HOXA13: variants seen among roughly 807,000 people sequenced by gnomAD.
HOXA13 encodes homeobox A13, also known as homeobox protein Hox-A13.
In HOXA13, 5 loss-of-function variants were observed where a neutral mutation model predicts 25.7. That is an observed-to-expected ratio of 0.19 (90% confidence interval 0.10 to 0.41). The LOEUF is 0.41. HOXA13 is among the 10% of genes least tolerant of loss of function. The probability of loss-of-function intolerance (pLI) is 1.00; values close to 1 mark genes in which losing one functional copy is unlikely to be tolerated. For synonymous variants in HOXA13, 284 were observed against 241.1 expected (o/e 1.18, Z -1.65); for missense variants, 557 against 533.5 (o/e 1.04, Z -0.43).
chr7:27,194,678 G>A lies in HOXA13; in HGVS notation c.*3520C>T, dbSNP rs986881708. The A allele has an allele frequency of 1.3e-5, 2 of 152,114 alleles. No homozygotes were observed. The highest frequency in any genetic ancestry group is 4.8e-5 in the African/African-American group (2 of 41,432). The allele number at this position is 152,114 out of a possible 1,614,324, so 9.4% of individuals were successfully genotyped here. On this transcript the variant is annotated 3_prime_UTR_variant, in exon 2 of 2. Transcript: ENST00000649031. ...GTTAGGTAAGATCGACACTATCAAT[G>A]ACCATTTTAGAACTGGGGGGAAAAA...
chr7:27,199,676 C>T lies in HOXA13; in HGVS notation c.402G>A (p.Ser134=), dbSNP rs1583448829. 8.5e-7 allele frequency: 1 copy of T among 1,174,564 alleles called. No individual in the cohort carries two copies. Among genetic ancestry groups the T allele is most frequent in the Non-Finnish European group, 1.0e-6 (1 of 953,184 alleles). The allele number at this position is 1,174,564 out of a possible 1,614,324, so 72.8% of individuals were successfully genotyped here. A position where few individuals can be genotyped will look rare whatever the true frequency, so the allele number is the denominator to read the frequency against. Reference sequence around the variant, plus strand: ...CCGCCGGGCCGGGACCTCCCGAGGACGACGCGGCGGCGGCGGCGGCGGCTG... The same window carrying T: ...CCGCCGGGCCGGGACCTCCCGAGGATGACGCGGCGGCGGCGGCGGCGGCTG... ...AAAAAAAAAA[S]SSGGPGPAGP... Residue 134 remains serine (S), a synonymous_variant, in exon 1 of 2, where the codon TCG becomes TCA. Transcript: ENST00000649031.
In HOXA13 at chr7:27,199,459, C is replaced by T. The variant is rs1367909549; in HGVS notation, c.619G>A (p.Ala207Thr). The part of the protein sequence containing the change: ...PASAAAAAAF[A>T]DKYMDTAGPA... ...CCGGCGGTATCCATGTACTTGTCCG[C>T]GAAGGCGGCGGCGGCGGCGGCCGAG... The change falls in exon 1 of 2, where the codon GCG (alanine) becomes ACG (threonine). Residue 207 changes from alanine (A) to threonine (T), a missense_variant. By Grantham distance (58) the Ala-to-Thr change is moderately conservative. Coordinates refer to ENST00000649031, the MANE Select transcript of HOXA13 (RefSeq NM_000522.5). 6.2e-7 allele frequency: 1 copy of T among 1,612,686 alleles called. No individual in the cohort carries two copies. Among genetic ancestry groups the T allele is most frequent in the African/African-American group, 1.3e-5 (1 of 74,916 alleles).
At position 27,198,104 on chromosome 7, in the gene HOXA13, T is replaced by C; in HGVS notation, c.*94A>G. On this transcript the variant is annotated 3_prime_UTR_variant, in exon 2 of 2. Transcript: ENST00000649031. The stretch of plus-strand genomic sequence containing the variant: ...TCTGTCTCTTTCTCTTTCCCATTCT[T>C]CAATTATTATTAAGCATTATTATCA... 7.4e-7 allele frequency: 1 copy of C among 1,353,008 alleles called. No homozygotes were observed. The highest frequency in any genetic ancestry group is 1.0e-6 in the Non-Finnish European group (1 of 953,334). The allele number at this position is 1,353,008 out of a possible 1,614,324, so 83.8% of individuals were successfully genotyped here.
chr7:27,196,938 GT>G lies in HOXA13; in HGVS notation c.*1259del, dbSNP rs60250869. On this transcript the variant is annotated 3_prime_UTR_variant, in exon 2 of 2. Transcript: ENST00000649031. ...GATATCACTATCTACAGGTCTAAGG[GT>G]TTTTTTTTTTCATTTTTAGTAGAAA... is the stretch of plus-strand genomic sequence containing the variant. 163,828 of 180,842 alleles carry G rather than the reference GT, an allele frequency of 0.91. 74,667 individuals are homozygous for G. Among genetic ancestry groups the G allele is most frequent in the Middle Eastern group, 0.97 (463 of 478 alleles). 11.2% of individuals were successfully genotyped at this position (180,842 alleles called of 1,614,324 possible). A position where few individuals can be genotyped will look rare whatever the true frequency, so the allele number is the denominator to read the frequency against.
Position 27,194,998 on chromosome 7 carries a change from G to A in HOXA13, c.*3200C>T, listed in dbSNP as rs964263566. ...ATTTTCCACCACTTTAAACATTTTG[G>A]GAGAAAGTTGTTACTTTGGCTTGAT... On this transcript the variant is annotated 3_prime_UTR_variant, in exon 2 of 2. Coordinates refer to ENST00000649031, the MANE Select transcript of HOXA13 (RefSeq NM_000522.5). The A allele has an allele frequency of 6.6e-6, 1 of 152,184 alleles. No homozygotes were observed. Among genetic ancestry groups the A allele is most frequent in the African/African-American group, 2.4e-5 (1 of 41,442 alleles). The allele number at this position is 152,184 out of a possible 1,614,324, so 9.4% of individuals were successfully genotyped here. A position where few individuals can be genotyped will look rare whatever the true frequency, so the allele number is the denominator to read the frequency against.
rs1783995656 is a variant in HOXA13, at chr7:27,195,585, AGTT to A, written c.*2610_*2612del. On this transcript the variant is annotated 3_prime_UTR_variant, in exon 2 of 2. Transcript: ENST00000649031. ...ATATTATTATTATAGTTTTGATGGA[AGTT>A]GTTAATATTAAACATATTTATTTAT... 2 of 152,204 alleles carry A rather than the reference AGTT, an allele frequency of 1.3e-5. No homozygotes were observed. The highest frequency in any genetic ancestry group is 2.9e-5 in the Non-Finnish European group (2 of 68,030). 9.4% of individuals were successfully genotyped at this position (152,204 alleles called of 1,614,324 possible).
Position 27,199,417 on chromosome 7 carries a change from ACTC to A in HOXA13, c.658_660del (p.Glu220del), listed in dbSNP as rs1195829474. The A allele has an allele frequency of 1.9e-6, 3 of 1,613,762 alleles. No individual in the cohort carries two copies. Among genetic ancestry groups the A allele is most frequent in the Non-Finnish European group, 1.7e-6 (2 of 1,179,910 alleles). ...GCGAACTCCTTAGCGCGGGAGCTGA[ACTC>A]CTCGGCAGCTGGGCCGGCGGTATCC... On this transcript the variant is annotated inframe_deletion, in exon 1 of 2. Transcript: ENST00000649031.
Position 27,198,017 on chromosome 7 carries a change from A to T in HOXA13, c.*181T>A. On this transcript the variant is annotated 3_prime_UTR_variant, in exon 2 of 2. Coordinates refer to ENST00000649031, the MANE Select transcript of HOXA13 (RefSeq NM_000522.5). ...CAGTCTTTACCTTTCTTAAAGTTTT[A>T]AAACAGTTGTAGATTCCATTAAAGA... is the stretch of plus-strand genomic sequence containing the variant. 1.4e-6 allele frequency: 1 copy of T among 739,136 alleles called. No homozygotes were observed. Among genetic ancestry groups the T allele is most frequent in the Non-Finnish European group, 2.2e-6 (1 of 449,884 alleles). 45.8% of individuals were successfully genotyped at this position (739,136 alleles called of 1,614,324 possible). A position where few individuals can be genotyped will look rare whatever the true frequency, so the allele number is the denominator to read the frequency against.
At position 27,198,403 on chromosome 7, in the gene HOXA13, C is replaced by A. The variant is rs76529896; in HGVS notation, c.962G>T (p.Arg321Met). 1 of 1,614,168 alleles carries A rather than the reference C, an allele frequency of 6.2e-7. No individual in the cohort carries two copies. Among genetic ancestry groups the A allele is most frequent in the Non-Finnish European group, 8.5e-7 (1 of 1,180,024 alleles). ...SHPSDASSYRRGRKKRVPYTK... is the reference protein window; with the variant it reads ...SHPSDASSYRMGRKKRVPYTK... ...ATAAGGCACGCGCTTCTTTCTCCCC[C>A]TCCTATAGGAGCTGGCATCCGAGGG... Residue 321 changes from arginine (R) to methionine (M), a missense_variant, in exon 2 of 2, where the codon AGG becomes ATG. Transcript: ENST00000649031.
Position 27,199,564 on chromosome 7 carries a change from C to G in HOXA13, c.514G>C (p.Gly172Arg). 1 of 1,554,598 alleles carries G rather than the reference C, an allele frequency of 6.4e-7. No individual in the cohort carries two copies. Among genetic ancestry groups the G allele is most frequent in the South Asian group, 1.2e-5 (1 of 85,540 alleles). The change falls in exon 1 of 2, where the codon GGC becomes CGC. Residue 172 changes from glycine to arginine, a missense_variant. Transcript: ENST00000649031. ...GGGTAGTAGCCGCTGCCGAAGTAGC[C>G]ATAGGGCAGCGCCGCGGGCCCCGAC... ...SSSGPAALPY[G>R]YFGSGYYPCA... is the part of the protein sequence containing the mutation.
At chr7:27,199,120 C>T (rs769631335) in intron 1 of HOXA13, 36 bp downstream of exon 1, 1 of 1,588,056 alleles carries the variant, frequency 6.3e-7, no homozygotes, top group East Asian at 2.2e-5. Context: ...TGGAGCAGAG[C>T]CGGAAGACCA....
Position 27,198,070 on chromosome 7 carries a change from A to G in HOXA13, c.*128T>C. ...AAGAGATCTCCTTCGGGAGAGGAAA[A>G]TGCCAGTCTCTGTCTCTTTCTCTTT... On this transcript the variant is annotated 3_prime_UTR_variant, in exon 2 of 2. Transcript: ENST00000649031. 2 of 1,055,562 alleles carry G rather than the reference A, an allele frequency of 1.9e-6. No homozygotes were observed. Among genetic ancestry groups the G allele is most frequent in the South Asian group, 2.7e-5 (2 of 73,080 alleles). 65.4% of individuals were successfully genotyped at this position (1,055,562 alleles called of 1,614,324 possible). A position where few individuals can be genotyped will look rare whatever the true frequency, so the allele number is the denominator to read the frequency against.
rs995926410 is a variant in HOXA13, at chr7:27,195,072, G to C, written c.*3126C>G. 2.0e-5 allele frequency: 3 copies of C among 152,236 alleles called. No homozygotes were observed. In the East Asian group the frequency reaches 5.8e-4, roughly 29 times the overall value. The allele number at this position is 152,236 out of a possible 1,614,324, so 9.4% of individuals were successfully genotyped here. A position where few individuals can be genotyped will look rare whatever the true frequency, so the allele number is the denominator to read the frequency against. ...ACTGTTTGGAACAAGAGGTGGAGAG[G>C]TGGGTCTGAAGCAACATTATCATTT... On this transcript the variant is annotated 3_prime_UTR_variant, in exon 2 of 2. Transcript: ENST00000649031.
chr7:27,197,183 A>G lies in HOXA13; in HGVS notation c.*1015T>C, dbSNP rs1207428416. The G allele has an allele frequency of 4.8e-6, 1 of 206,776 alleles. No individual in the cohort carries two copies. Among genetic ancestry groups the G allele is most frequent in the African/African-American group, 2.3e-5 (1 of 43,918 alleles). 12.8% of individuals were successfully genotyped at this position (206,776 alleles called of 1,614,324 possible). A position where few individuals can be genotyped will look rare whatever the true frequency, so the allele number is the denominator to read the frequency against. ...CTAATCCCTTAATAGATCAAAATAT[A>G]GAATATAGACACCTAAATATTTCAG... On this transcript the variant is annotated 3_prime_UTR_variant, in exon 2 of 2. Coordinates refer to ENST00000649031, the MANE Select transcript of HOXA13 (RefSeq NM_000522.5).
In HOXA13 at chr7:27,198,227, CT is replaced by C; in HGVS notation, c.1137del (p.Val380SerfsTer5). 1 of 1,614,158 alleles carries C rather than the reference CT, an allele frequency of 6.2e-7. No homozygotes were observed. Among genetic ancestry groups the C allele is most frequent in the Non-Finnish European group, 8.5e-7 (1 of 1,180,016 alleles). On this transcript the variant is annotated frameshift_variant, in exon 2 of 2. Coordinates refer to ENST00000649031, the MANE Select transcript of HOXA13 (RefSeq NM_000522.5). LOFTEE classifies it high-confidence loss of function. ...WFQNRRVKEKKVINKLKTTS is the reference protein window; with the variant it reads ...WFQNRRVKEKXVINKLKTTS Reference sequence around the variant, plus strand: ...CTAGTGGTTTTCAGTTTGTTGATGACTTTTTTCTCTTTAACCCTCCTGTTCT... The same window carrying C: ...CTAGTGGTTTTCAGTTTGTTGATGACTTTTTCTCTTTAACCCTCCTGTTCT...
At chr7:27,198,817 T>C in intron 1 of HOXA13, 3 of 478,364 alleles carry the variant, frequency 6.3e-6, no homozygotes, top group Non-Finnish European at 1.1e-5. Flanking sequence ...AAGCCATTTT[T>C]GAGAGAATGA....
At position 27,194,714 on chromosome 7, in the gene HOXA13, C is replaced by G. The variant is rs928699122; in HGVS notation, c.*3484G>C. ...AACTGGGGGGAAAAAATCCCCACAA[C>G]AACCCTGAAATGTCTTCTGTCATTA... On this transcript the variant is annotated 3_prime_UTR_variant, in exon 2 of 2. Coordinates refer to ENST00000649031, the MANE Select transcript of HOXA13 (RefSeq NM_000522.5). The G allele has an allele frequency of 6.6e-6, 1 of 152,144 alleles. No homozygotes were observed. Among genetic ancestry groups the G allele is most frequent in the Non-Finnish European group, 1.5e-5 (1 of 68,020 alleles). 9.4% of individuals were successfully genotyped at this position (152,144 alleles called of 1,614,324 possible). A position where few individuals can be genotyped will look rare whatever the true frequency, so the allele number is the denominator to read the frequency against.
rs1351857260 is a variant in HOXA13, at chr7:27,198,455, G to A, written c.923-13C>T. ...TGGGAGACCACGTCTAGAAGACAAG[G>A]GAGAAGGCAAGTTACACAGGGATCG... On this transcript the variant is annotated splice_polypyrimidine_tract_variant and intron_variant, in intron 1 of 1. Coordinates refer to ENST00000649031, the MANE Select transcript of HOXA13 (RefSeq NM_000522.5). 3.1e-6 allele frequency: 5 copies of A among 1,613,118 alleles called. No homozygotes were observed. The highest frequency in any genetic ancestry group is 2.7e-5 in the African/African-American group (2 of 74,916).
intron 1 of HOXA13, 130 bp downstream of exon 1, chr7:27,199,026 C>T (rs1784046249): frequency 3.5e-6 from 3 of 862,394 alleles, no homozygotes; most frequent in Non-Finnish European, 5.3e-6. Context: ...TGCTCGGGCT[C>T]CCAGGGGTGC....
Sources: allele counts gnomAD v4.1 joint callset, GRCh38; gene constraint gnomAD v4.1.1; transcripts MANE v1.5; gene names NCBI Gene and HGNC (gene_info 2026-07-23, HGNC 2026-07-21).